PTPRN2: variants seen among roughly 807,000 people sequenced by gnomAD.
The protein encoded by PTPRN2 is protein tyrosine phosphatase receptor type N2, also known as receptor-type tyrosine-protein phosphatase N2.
In PTPRN2, 74 loss-of-function variants were observed where a neutral mutation model predicts 118.8. The ratio of observed to expected loss-of-function variants is 0.62; its 90% CI spans 0.52 to 0.76. The LOEUF is 0.76. Ranked by LOEUF, PTPRN2 falls within the 30% of genes least tolerant of loss-of-function variation. PTPRN2 has a pLI of 0.00. For missense variants in PTPRN2, 1,481 were observed against 1,394.4 expected (o/e 1.06, Z -0.99); for synonymous variants, 641 against 608.0 (o/e 1.05, Z -0.80).
intron 11 of PTPRN2, among the ~76,000 whole-genome samples, chr7:157,994,035 C>T (rs889985666): frequency 3.3e-5 from 5 of 152,190 alleles, no homozygotes; most frequent in East Asian, 1.9e-4. Flanking sequence ...AATAATTTAT[C>T]GCAAAGTCCC....
chr7:158,428,288 T>G (rs1815898549), intron 2 of PTPRN2, among the ~76,000 whole-genome samples: 1 of 151,986 alleles, frequency 6.6e-6, no homozygotes, highest in Non-Finnish European at 1.5e-5. Flanking sequence ...GCGTCGGACG[T>G]GACTCGCAGC....
rs780518598 is a variant in PTPRN2, at chr7:157,785,293, C to A, written c.1789-102356G>T. ...CGCCAAGGCCAGTGGTGTAAATCCA[C>A]ACTCTATGGTGACGGTGGATCCACA... On this transcript the variant is annotated intron_variant, in intron 12 of 22. Coordinates refer to ENST00000389418, the MANE Select transcript of PTPRN2 (RefSeq NM_002847.5). The surrounding 1 kb of genome is among the most constrained non-coding windows in gnomAD (Gnocchi z 7.3). 4.9e-4 allele frequency among the ~76,000 whole-genome samples: 75 copies of A among 152,188 alleles called. 1 individual carries two copies. Among genetic ancestry groups the A allele is most frequent in the Non-Finnish European group, 7.8e-4 (53 of 68,020 alleles).
chr7:158,167,265 G>A lies in PTPRN2; in HGVS notation c.576C>T (p.Ile192=), dbSNP rs762989772. Residue 192 remains isoleucine (I), a synonymous_variant, in exon 6 of 23, where the codon ATC becomes ATT. Transcript: ENST00000389418. ...AEGDDRFSES[I]LTYVAHTSAL... ...CAGACGTGTGGGCCACATAGGTCAG[G>A]ATGCTCTCGGAGAAGCGGTCATCAC... The A allele has an allele frequency of 6.2e-7, 1 of 1,607,738 alleles. No individual in the cohort carries two copies. The highest frequency in any genetic ancestry group is 8.5e-7 in the Non-Finnish European group (1 of 1,176,796).
Position 158,563,427 on chromosome 7 carries a change from C to G in PTPRN2, c.112+24131G>C, listed in dbSNP as rs1190796708. On this transcript the variant is annotated intron_variant, in intron 1 of 22. Coordinates refer to ENST00000389418, the MANE Select transcript of PTPRN2 (RefSeq NM_002847.5). The surrounding 1 kb of genome is among the most constrained non-coding windows in gnomAD (Gnocchi z 5.1). ...GCAGTTTGCAAGTTGGCCGTGATGT[C>G]TCATAATATGAAGTTTGGGTGAGGC... Among the ~76,000 whole-genome samples, 1 of 152,206 alleles carries G rather than the reference C, an allele frequency of 6.6e-6. No individual in the cohort carries two copies. The highest frequency in any genetic ancestry group is 2.4e-5 in the African/African-American group (1 of 41,450).
At position 157,639,186 on chromosome 7, in the gene PTPRN2, G is replaced by A. The variant is rs538560351; in HGVS notation, c.2196+17171C>T. 5.7e-4 allele frequency among the ~76,000 whole-genome samples: 87 copies of A among 152,006 alleles called. 1 individual carries two copies. The South Asian group carries it at 0.016, about 27-fold the overall frequency. ...TGAGTAGCTGGGATTATAGGCATGC[G>A]CCACCAAATCTAGCTAAGTTTTGTA... is the stretch of plus-strand genomic sequence containing the variant. On this transcript the variant is annotated intron_variant, in intron 14 of 22. Coordinates refer to ENST00000389418, the MANE Select transcript of PTPRN2 (RefSeq NM_002847.5).
At chr7:157,697,344 A>G (rs1463834440) in intron 12 of PTPRN2, among the ~76,000 whole-genome samples, 38 of 113,080 alleles carry the variant, frequency 3.4e-4, no homozygotes, top group Middle Eastern at 0.014. Context: ...ACTGGATCTT[A>G]GTAGAGCCCT....
At chr7:157,908,692 T>C (rs927983888) in intron 11 of PTPRN2, among the ~76,000 whole-genome samples, 1 of 152,242 alleles carries the variant, frequency 6.6e-6, no homozygotes, top group Non-Finnish European at 1.5e-5. Flanking sequence ...GCAAATGTCT[T>C]ATTCTTACAA....
In PTPRN2 at chr7:157,716,379, A is replaced by G. The variant is rs111849799; in HGVS notation, c.1789-33442T>C. On this transcript the variant is annotated intron_variant, in intron 12 of 22. Transcript: ENST00000389418. ...CACTGCCTGGTCACACAGACTCTGC[A>G]GGAACACTGCCTGGCCACACAGACT... 5.5e-4 allele frequency among the ~76,000 whole-genome samples: 57 copies of G among 102,862 alleles called. 5 individuals are homozygous for G. The highest frequency in any genetic ancestry group is 1.9e-3 in the African/African-American group (40 of 21,018). The allele number at this position is 102,862 out of a possible 152,430, so 67.5% of individuals were successfully genotyped here. A position where few individuals can be genotyped will look rare whatever the true frequency, so the allele number is the denominator to read the frequency against.
chr7:158,348,699 C>T (rs961665232), intron 2 of PTPRN2, among the ~76,000 whole-genome samples: 3 of 152,182 alleles, frequency 2.0e-5, no homozygotes, highest in Admixed American at 6.5e-5. Context: ...TCCTAACCAC[C>T]ACAGCACAGG....
chr7:157,876,136 AC>A (rs1164591286), intron 12 of PTPRN2, among the ~76,000 whole-genome samples: 1 of 152,106 alleles, frequency 6.6e-6, no homozygotes, highest in East Asian at 1.9e-4. Flanking sequence ...GTCCACGCTC[AC>A]CCTCCCTCCT....
intron 11 of PTPRN2, among the ~76,000 whole-genome samples, chr7:158,004,272 C>T (rs1207927356): frequency 6.6e-6 from 1 of 152,188 alleles, no homozygotes; most frequent in East Asian, 1.9e-4. Flanking sequence ...GGGAACCGCC[C>T]ACTTCCTGTG....
At chr7:158,437,440 G>T (rs977401555) in intron 2 of PTPRN2, among the ~76,000 whole-genome samples, 8 of 152,174 alleles carry the variant, frequency 5.3e-5, no homozygotes, top group African/African-American at 1.9e-4. Flanking sequence ...TCTTGGTCTT[G>T]CTTCTTGACA....
intron 11 of PTPRN2, among the ~76,000 whole-genome samples, chr7:157,967,078 G>T (rs1402060996): frequency 1.3e-5 from 2 of 152,240 alleles, no homozygotes; most frequent in African/African-American, 4.8e-5. Flanking sequence ...CCAACACTTT[G>T]TGAGGCTGAG....
At chr7:157,928,797 G>C (rs1052172341) in intron 11 of PTPRN2, among the ~76,000 whole-genome samples, 2 of 144,390 alleles carry the variant, frequency 1.4e-5, no homozygotes, top group Non-Finnish European at 3.0e-5. Context: ...AGGGCACAGG[G>C]ATAGAGGGCA....
At chr7:158,130,108 A>C (rs1200998719) in intron 9 of PTPRN2, among the ~76,000 whole-genome samples, 1 of 152,192 alleles carries the variant, frequency 6.6e-6, no homozygotes, top group East Asian at 1.9e-4. Flanking sequence ...GTTTGAGCTC[A>C]AGATAAAATA....
intron 12 of PTPRN2, among the ~76,000 whole-genome samples, chr7:157,762,635 C>A (rs62476406): frequency 2.0e-5 from 3 of 150,738 alleles, no homozygotes; most frequent in Admixed American, 6.6e-5. Context: ...GGGAGATATA[C>A]CTAATGCTAG....
intron 9 of PTPRN2, among the ~76,000 whole-genome samples, chr7:158,123,235 T>C (rs940306799): frequency 5.3e-5 from 8 of 152,208 alleles, no homozygotes; most frequent in African/African-American, 1.7e-4. Context: ...AATCATCTTA[T>C]AAAGTAGTTA....
intron 1 of PTPRN2, chr7:158,541,420 G>C (rs779056572): frequency 7.4e-7 from 1 of 1,342,952 alleles, no homozygotes; most frequent in East Asian, 4.6e-5. Flanking sequence ...TATTCCACCC[G>C]GTTACCTGCC....
chr7:158,063,542 GA>G (rs1191041814), intron 11 of PTPRN2, among the ~76,000 whole-genome samples: 1 of 152,204 alleles, frequency 6.6e-6, no homozygotes, highest in Non-Finnish European at 1.5e-5. Flanking sequence ...TCACATTGTG[GA>G]AGCTTTGTTC....
Sources: gnomAD v4.1 joint callset for allele counts (sites outside exome capture counted in the v4.1 genomes callset) on GRCh38, gnomAD v4.1.1 for gene constraint, Gnocchi (gnomAD v3.1) non-coding constraint, MANE v1.5 for transcripts, NCBI Gene and HGNC (gene_info 2026-07-23, HGNC 2026-07-21) for gene names.